LRP1B: variants seen among roughly 807,000 people sequenced by gnomAD.
LRP1B encodes the protein low-density lipoprotein receptor-related protein 1B.
Under a neutral mutation model 556.6 loss-of-function variants are expected in LRP1B, and 217 were observed. The ratio of observed to expected loss-of-function variants is 0.39; its 90% CI spans 0.35 to 0.44. The LOEUF (loss-of-function observed/expected upper bound fraction) is 0.44. LRP1B is among the 20% of genes least tolerant of loss of function. The pLI, the probability that LRP1B is intolerant of heterozygous loss-of-function variation, is 1.00. For synonymous variants in LRP1B, 2,047 were observed against 1,865.8 expected (o/e 1.10, Z -2.50); for missense variants, 5,053 against 5,620.8 (o/e 0.90, Z 3.23).
chr2:140,356,363 T>C lies in LRP1B; in HGVS notation c.11509A>G (p.Met3837Val). 3 of 1,611,080 alleles carry C rather than the reference T, an allele frequency of 1.9e-6. No individual in the cohort carries two copies. The highest frequency in any genetic ancestry group is 2.5e-6 in the Non-Finnish European group (3 of 1,177,942). The change falls in exon 75 of 91, where the codon ATG (methionine) becomes GTG (valine). Residue 3837 changes from methionine to valine, a missense_variant. Transcript: ENST00000389484. ...CTACCTTCACATTGTCTGTTTTTCA[T>C]GTTTCTCTGAAATCCAGGCTTACAG... ...CRCKPGFQRN[M>V]KNRQCEDLNE...
intron 41 of LRP1B, among the ~76,000 whole-genome samples, chr2:140,652,177 A>G (rs1202411577): frequency 6.6e-6 from 1 of 152,030 alleles, no homozygotes; most frequent in Non-Finnish European, 1.5e-5. Flanking sequence ...ATGCAAGTAC[A>G]AAATTAAAAT....
intron 20 of LRP1B, among the ~76,000 whole-genome samples, chr2:140,937,169 G>T (rs146578387): frequency 1.3e-5 from 2 of 151,942 alleles, no homozygotes; most frequent in Non-Finnish European, 2.9e-5. Context: ...ACATAAAAGG[G>T]CAGTAATGCA....
intron 3 of LRP1B, chr2:141,286,820 T>G: frequency 2.7e-6 from 1 of 368,506 alleles, no homozygotes; most frequent in South Asian, 1.9e-5. Context: ...CTATTTTCCT[T>G]TTAATGGGCA....
intron 6 of LRP1B, among the ~76,000 whole-genome samples, chr2:141,189,047 G>A (rs1034570300): frequency 2.0e-5 from 3 of 151,896 alleles, no homozygotes; most frequent in African/African-American, 7.2e-5. Flanking sequence ...TGGAAAAGGA[G>A]ATCTATAAGA....
intron 3 of LRP1B, among the ~76,000 whole-genome samples, chr2:141,275,063 C>T (rs1685233339): frequency 1.3e-5 from 2 of 152,172 alleles, no homozygotes; most frequent in Admixed American, 6.5e-5. Flanking sequence ...AGAGCCTACA[C>T]ATGAGAAAGC....
At chr2:140,584,301 T>C (rs1249907948) in intron 43 of LRP1B, among the ~76,000 whole-genome samples, 1 of 152,016 alleles carries the variant, frequency 6.6e-6, no homozygotes, top group Non-Finnish European at 1.5e-5. Context: ...CTCAATTATT[T>C]CACCAAAGGA....
intron 2 of LRP1B, among the ~76,000 whole-genome samples, chr2:141,631,215 C>T (rs545158471): frequency 6.6e-6 from 1 of 151,874 alleles, no homozygotes; most frequent in African/African-American, 2.4e-5. Flanking sequence ...CTTGTGAGAA[C>T]TCACTCACTC....
chr2:141,654,507 T>G (rs355559), intron 2 of LRP1B, among the ~76,000 whole-genome samples: 18,982 of 151,822 alleles, frequency 0.13, 1,964 homozygotes, highest in African/African-American at 0.27. Flanking sequence ...TCTGGAGGAG[T>G]CTGGCAATCC....
intron 2 of LRP1B, among the ~76,000 whole-genome samples, chr2:141,710,771 C>A (rs1311491363): frequency 6.6e-6 from 1 of 152,166 alleles, no homozygotes; most frequent in Non-Finnish European, 1.5e-5. Context: ...ATGTGGAATT[C>A]ACCTGAAAGT....
chr2:141,632,423 C>T (rs1688947413), intron 2 of LRP1B, among the ~76,000 whole-genome samples: 1 of 152,030 alleles, frequency 6.6e-6, no homozygotes, highest in Non-Finnish European at 1.5e-5. Flanking sequence ...TTTAATCTGT[C>T]AGTGAAGTAT....
chr2:140,874,194 C>T (rs1482726206), intron 25 of LRP1B, among the ~76,000 whole-genome samples: 1 of 152,010 alleles, frequency 6.6e-6, no homozygotes, highest in Admixed American at 6.6e-5. Context: ...TAGATTGGGG[C>T]TTGATATTAA....
intron 22 of LRP1B, among the ~76,000 whole-genome samples, chr2:140,905,291 C>A (rs537744447): frequency 6.6e-6 from 1 of 152,118 alleles, no homozygotes; most frequent in East Asian, 1.9e-4. Flanking sequence ...GCACATTGTC[C>A]AACAGCTTAA....
intron 59 of LRP1B, among the ~76,000 whole-genome samples, chr2:140,483,621 T>C (rs548467424): frequency 0.014 from 725 of 51,952 alleles, 5 homozygotes; most frequent in African/African-American, 0.026. Context: ...CACACATATA[T>C]ATATATATAT....
At chr2:140,748,756 AT>A (rs1235356969) in intron 35 of LRP1B, among the ~76,000 whole-genome samples, 11 of 133,284 alleles carry the variant, frequency 8.3e-5, no homozygotes, top group Admixed American at 1.7e-4. Flanking sequence ...TATGATATAT[AT>A]TATATACATG....
At chr2:140,912,242 C>T (rs1042576820) in intron 21 of LRP1B, among the ~76,000 whole-genome samples, 1 of 151,622 alleles carries the variant, frequency 6.6e-6, no homozygotes, top group African/African-American at 2.4e-5. Flanking sequence ...CAAATGGCCT[C>T]AGTAAAAATA....
chr2:141,771,076 C>G (rs1446529273), intron 2 of LRP1B, among the ~76,000 whole-genome samples: 1 of 152,066 alleles, frequency 6.6e-6, no homozygotes, highest in Non-Finnish European at 1.5e-5. Context: ...CTCAAAAGAC[C>G]ATATATAGTC....
At chr2:141,093,974 C>T (rs978962720) in intron 7 of LRP1B, among the ~76,000 whole-genome samples, 3 of 152,140 alleles carry the variant, frequency 2.0e-5, no homozygotes, top group African/African-American at 7.2e-5. Context: ...GCCTTAGCCT[C>T]CCAAAATGCT....
chr2:141,956,389 C>T (rs1701253743), intron 1 of LRP1B, among the ~76,000 whole-genome samples: 1 of 152,080 alleles, frequency 6.6e-6, no homozygotes, highest in Non-Finnish European at 1.5e-5. Flanking sequence ...AGTTTACACT[C>T]ATTACCTGAT....
chr2:140,461,907 T>A (rs574270541), intron 60 of LRP1B, among the ~76,000 whole-genome samples: 1 of 152,172 alleles, frequency 6.6e-6, no homozygotes, highest in Non-Finnish European at 1.5e-5. Flanking sequence ...GGATATAGAA[T>A]GCAATCACCA....
Sources: allele counts gnomAD v4.1 joint callset (sites outside exome capture counted in the v4.1 genomes callset), GRCh38; gene constraint gnomAD v4.1.1; transcripts MANE v1.5; gene names NCBI Gene and HGNC (gene_info 2026-07-23, HGNC 2026-07-21).